HNRNPLL: variants seen among roughly 807,000 people sequenced by gnomAD.
HNRNPLL encodes heterogeneous nuclear ribonucleoprotein L-like.
A neutral mutation model predicts 67.1 loss-of-function variants in HNRNPLL; 25 were observed. That is an observed-to-expected ratio of 0.37 (90% confidence interval 0.27 to 0.52). The LOEUF (loss-of-function observed/expected upper bound fraction) is 0.52. HNRNPLL is among the 20% of genes least tolerant of loss of function. The probability of loss-of-function intolerance (pLI) is 0.90; values close to 1 mark genes in which losing one functional copy is unlikely to be tolerated. For missense variants in HNRNPLL, 542 were observed against 673.9 expected (o/e 0.80, Z 2.17); for synonymous variants, 267 against 241.7 (o/e 1.10, Z -0.97).
intron 6 of HNRNPLL, chr2:38,578,121 T>G (rs760493815): frequency 9.1e-4 from 379 of 418,578 alleles, no homozygotes; most frequent in Non-Finnish European, 6.1e-4. Context: ...TATTATATCA[T>G]GAATAGGTCA....
intron 4 of HNRNPLL, among the ~76,000 whole-genome samples, chr2:38,583,238 T>A (rs1171636777): frequency 6.6e-6 from 1 of 152,150 alleles, no homozygotes; most frequent in Non-Finnish European, 1.5e-5. Context: ...AAAACAAAGA[T>A]AAAACATAAG....
chr2:38,568,070 CCTTT>C, intron 12 of HNRNPLL, 125 bp downstream of exon 12: 2 of 604,470 alleles, frequency 3.3e-6, no homozygotes, highest in East Asian at 2.9e-5. Flanking sequence ...AATTAATATG[CCTTT>C]CTTTTTTGTA....
At chr2:38,574,263 G>A (rs1367012992) in intron 7 of HNRNPLL, among the ~76,000 whole-genome samples, 2 of 151,760 alleles carry the variant, frequency 1.3e-5, no homozygotes, top group Non-Finnish European at 3.0e-5. Context: ...TGGAGAAACT[G>A]ACACTCAAAG....
intron 2 of HNRNPLL, among the ~76,000 whole-genome samples, chr2:38,587,929 A>G (rs1372094939): frequency 1.3e-5 from 2 of 151,972 alleles, no homozygotes; most frequent in Non-Finnish European, 2.9e-5. Context: ...TGGTTGTTTG[A>G]CAGTGTGTGA....
intron 4 of HNRNPLL, among the ~76,000 whole-genome samples, chr2:38,583,328 G>A (rs1417381928): frequency 6.6e-6 from 1 of 152,142 alleles, no homozygotes; most frequent in Admixed American, 6.6e-5. Flanking sequence ...GCACACGTAG[G>A]TTGGGGTTTT....
At chr2:38,585,908 C>T (rs1320846951) in intron 2 of HNRNPLL, 27 bp from the exon 3 acceptor site, 2 of 1,314,012 alleles carry the variant, frequency 1.5e-6, no homozygotes, top group Non-Finnish European at 2.2e-6. Context: ...GGAGGAAACA[C>T]ACAAACACAG....
intron 1 of HNRNPLL, 159 bp downstream of exon 1, chr2:38,602,279 G>A: frequency 3.0e-6 from 2 of 661,472 alleles, no homozygotes; most frequent in South Asian, 2.1e-5. Flanking sequence ...GAAACAGGTA[G>A]AGGCCAGAAT....
intron 6 of HNRNPLL, among the ~76,000 whole-genome samples, chr2:38,579,485 T>A (rs967180283): frequency 3.3e-5 from 5 of 151,980 alleles, no homozygotes; most frequent in African/African-American, 4.8e-5. Context: ...GCGTAACAGG[T>A]CACGTAAAAC....
chr2:38,576,416 A>T (rs976657443), intron 7 of HNRNPLL, among the ~76,000 whole-genome samples: 5 of 151,610 alleles, frequency 3.3e-5, no homozygotes, highest in African/African-American at 1.2e-4. Flanking sequence ...TAAGAAAAAT[A>T]ATCAAGGTAC....
chr2:38,572,014 T>C (rs1666106750), intron 8 of HNRNPLL, among the ~76,000 whole-genome samples: 1 of 152,098 alleles, frequency 6.6e-6, no homozygotes. Flanking sequence ...AAGAAAATAC[T>C]CTATAAAGAA....
chr2:38,585,672 A>T lies in HNRNPLL; in HGVS notation c.518T>A (p.Ile173Asn). 1 of 1,607,568 alleles carries T rather than the reference A, an allele frequency of 6.2e-7. No individual in the cohort carries two copies. Among genetic ancestry groups the T allele is most frequent in the Non-Finnish European group, 8.5e-7 (1 of 1,173,980 alleles). Residue 173 changes from isoleucine to asparagine, a missense_variant, in exon 3 of 13, where the codon ATT becomes AAT. By Grantham distance (149) the Ile-to-Asn change is moderately radical (BLOSUM62 -3). This residue lies in a region of HNRNPLL where 415 missense variants were observed against 575.2 expected (regional missense o/e 0.72). Transcript: ENST00000449105. ...SGGNKVLLLS[I>N]QNPLYPITVD... is the part of the protein sequence containing the mutation. ...TGTAATTGGATAAAGCGGATTCTGA[A>T]TTGAGAGCAGAAGAACTTTGTTGCC...
chr2:38,589,914 G>A (rs547402525), intron 2 of HNRNPLL, among the ~76,000 whole-genome samples: 1 of 152,114 alleles, frequency 6.6e-6, no homozygotes, highest in Non-Finnish European at 1.5e-5. Flanking sequence ...TAATTCCATA[G>A]GACAATGTGC....
chr2:38,565,886 A>G (rs927538222), intron 12 of HNRNPLL: 5 of 307,542 alleles, frequency 1.6e-5, no homozygotes, highest in African/African-American at 1.1e-4. Flanking sequence ...TACTTTATCT[A>G]CCTACCCTTC....
At chr2:38,580,824 A>G (rs934478748) in intron 6 of HNRNPLL, among the ~76,000 whole-genome samples, 2 of 152,250 alleles carry the variant, frequency 1.3e-5, no homozygotes, top group Non-Finnish European at 2.9e-5. Context: ...AAGATATTCT[A>G]TCTTGAACAG....
At chr2:38,584,419 A>G (rs2148363413) in intron 3 of HNRNPLL, among the ~76,000 whole-genome samples, 1 of 152,314 alleles carries the variant, frequency 6.6e-6, no homozygotes, top group Non-Finnish European at 1.5e-5. Flanking sequence ...ATACACCCAC[A>G]TTAAAGAAGT....
chr2:38,562,812 T>C lies in HNRNPLL; in HGVS notation c.*1370A>G, dbSNP rs183160252. ...AATGTTAATGTGTGTTTAGTTTCCA[T>C]CTAAACTTCCTATTAAACAGCTCTA... On this transcript the variant is annotated 3_prime_UTR_variant, in exon 13 of 13. Coordinates refer to ENST00000449105, the MANE Select transcript of HNRNPLL (RefSeq NM_138394.4). The C allele has an allele frequency of 1.3e-5, 2 of 152,248 alleles. No homozygotes were observed. The highest frequency in any genetic ancestry group is 2.9e-5 in the Non-Finnish European group (2 of 67,942). The allele number at this position is 152,248 out of a possible 1,614,324, so 9.4% of individuals were successfully genotyped here.
At chr2:38,588,671 AT>A (rs2148371280) in intron 2 of HNRNPLL, among the ~76,000 whole-genome samples, 1 of 152,230 alleles carries the variant, frequency 6.6e-6, no homozygotes, top group South Asian at 2.1e-4. Flanking sequence ...TTTACTGCCA[AT>A]ATTCAATATA....
At chr2:38,578,140 T>G (rs1415636119) in intron 6 of HNRNPLL, 1 of 388,752 alleles carries the variant, frequency 2.6e-6, no homozygotes, top group Non-Finnish European at 5.4e-6. Context: ...CATTGTCTAT[T>G]GACCATAACA....
chr2:38,584,846 G>A (rs1553369232), intron 3 of HNRNPLL, among the ~76,000 whole-genome samples: 3 of 151,768 alleles, frequency 2.0e-5, no homozygotes. Flanking sequence ...ACACACCAGA[G>A]ATATAACAAA....
Sources: allele counts gnomAD v4.1 joint callset (sites outside exome capture counted in the v4.1 genomes callset), GRCh38; gene constraint gnomAD v4.1.1; regional missense constraint gnomAD v4.1.1; transcripts MANE v1.5; gene names NCBI Gene and HGNC (gene_info 2026-07-23, HGNC 2026-07-21).